Variants in CDH13 observed in about 807,000 individuals in gnomAD.
The protein encoded by CDH13 is cadherin 13.
A neutral mutation model predicts 63.8 loss-of-function variants in CDH13; 24 were observed. The ratio of observed to expected loss-of-function variants is 0.38; its 90% CI spans 0.27 to 0.53. The LOEUF (loss-of-function observed/expected upper bound fraction) is 0.53. Ranked by LOEUF, CDH13 falls within the 20% of genes least tolerant of loss-of-function variation. The probability of loss-of-function intolerance (pLI) is 0.85; values close to 1 mark genes in which losing one functional copy is unlikely to be tolerated. For synonymous variants in CDH13, 503 were observed against 355.3 expected (o/e 1.42, Z -4.67); for missense variants, 1,049 against 903.1 (o/e 1.16, Z -2.07).
intron 1 of CDH13, chr16:82,773,535 G>C (rs1050144344): frequency 1.3e-5 from 2 of 152,178 alleles, no homozygotes; most frequent in Non-Finnish European, 2.9e-5. Flanking sequence ...TCTCAGCTTT[G>C]TATTTCAGGT....
At chr16:82,818,585 G>T (rs531623236) in intron 1 of CDH13, among the ~76,000 whole-genome samples, 2 of 152,260 alleles carry the variant, frequency 1.3e-5, no homozygotes, top group East Asian at 1.9e-4. Context: ...GAAGCAAAAA[G>T]ATTTTGCTTT....
At chr16:82,840,893 G>A (rs1428090559) in intron 1 of CDH13, among the ~76,000 whole-genome samples, 2 of 152,134 alleles carry the variant, frequency 1.3e-5, no homozygotes, top group African/African-American at 4.8e-5. Context: ...GATGAAGAGT[G>A]GAAACTCAGG....
chr16:83,180,526 T>C (rs1355475973), intron 4 of CDH13, among the ~76,000 whole-genome samples: 1 of 152,332 alleles, frequency 6.6e-6, no homozygotes, highest in Non-Finnish European at 1.5e-5. Flanking sequence ...TGAAATGACA[T>C]CAGATCTGTA....
chr16:83,451,150 C>G (rs753532762), intron 6 of CDH13, among the ~76,000 whole-genome samples: 9 of 152,162 alleles, frequency 5.9e-5, no homozygotes, highest in Middle Eastern at 3.2e-3. Flanking sequence ...CTTTGTATTA[C>G]TCTGTTCTCA....
intron 2 of CDH13, among the ~76,000 whole-genome samples, chr16:82,885,188 C>G (rs1380919006): frequency 6.6e-6 from 1 of 152,140 alleles, no homozygotes; most frequent in Admixed American, 6.6e-5. Flanking sequence ...GAGCACTACT[C>G]TTATGGCTTT....
intron 3 of CDH13, among the ~76,000 whole-genome samples, chr16:83,101,315 G>T (rs186662789): frequency 6.7e-6 from 1 of 149,586 alleles, no homozygotes; most frequent in East Asian, 2.0e-4. Context: ...ATAGTGTATT[G>T]TATACATGTT....
chr16:83,494,534 T>A (rs2074092148), intron 7 of CDH13, among the ~76,000 whole-genome samples: 1 of 152,224 alleles, frequency 6.6e-6, no homozygotes, highest in Non-Finnish European at 1.5e-5. Flanking sequence ...TCCTGCCATA[T>A]GGAGAATGAC....
intron 7 of CDH13, among the ~76,000 whole-genome samples, chr16:83,493,386 T>G (rs1174457723): frequency 6.6e-6 from 1 of 152,200 alleles, no homozygotes; most frequent in Non-Finnish European, 1.5e-5. Context: ...AAATAAGTAT[T>G]GAGCACCACA....
At chr16:83,514,877 G>A (rs2074666010) in intron 7 of CDH13, among the ~76,000 whole-genome samples, 1 of 152,156 alleles carries the variant, frequency 6.6e-6, no homozygotes, top group African/African-American at 2.4e-5. Context: ...TTGGCCTCCA[G>A]GACTATTAGA....
chr16:82,925,651 G>C (rs1358916707), intron 2 of CDH13, among the ~76,000 whole-genome samples: 1 of 152,182 alleles, frequency 6.6e-6, no homozygotes, highest in Non-Finnish European at 1.5e-5. Context: ...CCAACATGTA[G>C]ACATGATATT....
intron 1 of CDH13, among the ~76,000 whole-genome samples, chr16:82,840,447 C>A (rs1309132838): frequency 6.6e-6 from 1 of 151,108 alleles, no homozygotes; most frequent in African/African-American, 2.4e-5. Flanking sequence ...CTTTGGGAGG[C>A]CCAGGTGGAC....
At chr16:83,665,200 C>T (rs770162245) in intron 8 of CDH13, among the ~76,000 whole-genome samples, 30 of 151,952 alleles carry the variant, frequency 2.0e-4, no homozygotes, top group Non-Finnish European at 3.7e-4. Flanking sequence ...CCACACCACT[C>T]GAGGAAAATA....
At chr16:83,356,870 C>A (rs1279253884) in intron 6 of CDH13, among the ~76,000 whole-genome samples, 1 of 151,990 alleles carries the variant, frequency 6.6e-6, no homozygotes, top group African/African-American at 2.4e-5. Flanking sequence ...TTTTAAAAAC[C>A]AAGTATAGTA....
chr16:82,760,487 A>C (rs1359373924), intron 1 of CDH13, among the ~76,000 whole-genome samples: 1 of 152,116 alleles, frequency 6.6e-6, no homozygotes. Flanking sequence ...ATGGCATTAC[A>C]ACACCTTACT....
intron 6 of CDH13, among the ~76,000 whole-genome samples, chr16:83,412,409 C>T (rs1028507215): frequency 6.6e-6 from 1 of 152,106 alleles, no homozygotes; most frequent in African/African-American, 2.4e-5. Flanking sequence ...TTGCAATGAG[C>T]CAAGTTCACA....
At chr16:83,483,637 A>G (rs971284842) in intron 6 of CDH13, among the ~76,000 whole-genome samples, 18 of 152,162 alleles carry the variant, frequency 1.2e-4, no homozygotes, top group African/African-American at 3.6e-4. Flanking sequence ...CCCTGGGTCA[A>G]GTGTACTTAA....
intron 5 of CDH13, among the ~76,000 whole-genome samples, chr16:83,235,455 A>C (rs2040116176): frequency 6.6e-6 from 1 of 152,196 alleles, no homozygotes; most frequent in Non-Finnish European, 1.5e-5. Context: ...TTTCAGCTGG[A>C]ATCGTGGCAT....
At chr16:82,860,527 C>G (rs1178144662) in intron 2 of CDH13, among the ~76,000 whole-genome samples, 1 of 151,654 alleles carries the variant, frequency 6.6e-6, no homozygotes, top group Non-Finnish European at 1.5e-5. Context: ...CAGAAAAAGT[C>G]AGTGATATGA....
chr16:83,493,345 C>T (rs1011291053), intron 7 of CDH13, among the ~76,000 whole-genome samples: 17 of 152,192 alleles, frequency 1.1e-4, no homozygotes, highest in African/African-American at 3.9e-4. Flanking sequence ...AGAGCTAATC[C>T]AGCCTACAAA....
Sources: allele counts gnomAD v4.1 joint callset (sites outside exome capture counted in the v4.1 genomes callset), GRCh38; gene constraint gnomAD v4.1.1; transcripts MANE v1.5; gene names NCBI Gene and HGNC (gene_info 2026-07-23, HGNC 2026-07-21).